The following RIN3 variants were observed in gnomAD, a reference collection of about 807,000 sequenced individuals.
The protein encoded by RIN3 is Ras and Rab interactor 3, also known as RAB5 interacting protein 3.
Under a neutral mutation model 76.3 loss-of-function variants are expected in RIN3, and 54 were observed. The ratio of observed to expected loss-of-function variants is 0.71; its 90% CI spans 0.57 to 0.89. The LOEUF is 0.89. RIN3 is among the 40% of genes least tolerant of loss of function. The pLI, the probability that RIN3 is intolerant of heterozygous loss-of-function variation, is 0.00. For missense variants in RIN3, 1,256 were observed against 1,322.1 expected (o/e 0.95, Z 0.78); for synonymous variants, 576 against 564.0 (o/e 1.02, Z -0.30).
chr14:92,683,235 G>C (rs559430613), intron 8 of RIN3, among the ~76,000 whole-genome samples: 10 of 152,126 alleles, frequency 6.6e-5, no homozygotes, highest in Non-Finnish European at 1.2e-4. Flanking sequence ...CCTTTGCAGT[G>C]GTGGGAAAGC....
chr14:92,554,699 T>A (rs1282087597), intron 1 of RIN3, among the ~76,000 whole-genome samples: 2 of 152,196 alleles, frequency 1.3e-5, no homozygotes, highest in African/African-American at 4.8e-5. Context: ...GGTGGGTGGG[T>A]CACTTGAGGT....
chr14:92,522,473 T>C (rs558879105), intron 1 of RIN3, among the ~76,000 whole-genome samples: 106 of 152,342 alleles, frequency 7.0e-4, no homozygotes, highest in East Asian at 1.9e-3. Context: ...TGTATTCTTT[T>C]TTCACTGAGT....
intron 5 of RIN3, 112 bp from the exon 6 acceptor site, chr14:92,651,470 A>G: frequency 1.7e-6 from 1 of 586,388 alleles, no homozygotes. Flanking sequence ...TAGTGAAGCA[A>G]ATGCCTTGAA....
intron 9 of RIN3, 28 bp from the exon 10 acceptor site, chr14:92,687,898 T>G: frequency 6.6e-7 from 1 of 1,515,432 alleles, no homozygotes; most frequent in Non-Finnish European, 8.8e-7. Context: ...GGCCCCGCCG[T>G]GACCACAGGC....
At chr14:92,610,515 C>G (rs78383414) in intron 3 of RIN3, among the ~76,000 whole-genome samples, 1 of 152,176 alleles carries the variant, frequency 6.6e-6, no homozygotes, top group Non-Finnish European at 1.5e-5. Context: ...GCTCCTGCCC[C>G]GGCTGTAGTC....
At chr14:92,655,821 G>A (rs1457061278) in intron 6 of RIN3, among the ~76,000 whole-genome samples, 3 of 152,222 alleles carry the variant, frequency 2.0e-5, no homozygotes, top group African/African-American at 7.2e-5. Flanking sequence ...GTCCCTGGGA[G>A]GACACAGCGT....
intron 7 of RIN3, among the ~76,000 whole-genome samples, chr14:92,670,851 C>T (rs978459661): frequency 1.3e-5 from 2 of 152,232 alleles, no homozygotes; most frequent in African/African-American, 4.8e-5. Context: ...GGTAGCTTGA[C>T]GTTGGAAATT....
rs1227184774 is a variant in RIN3 at position 92,648,764 on chromosome 14, G to C, written c.533-2818G>C. Among the ~76,000 whole-genome samples the C allele has an allele frequency of 6.6e-6, 1 of 152,200 alleles. No individual in the cohort carries two copies. The highest frequency in any genetic ancestry group is 1.5e-5 in the Non-Finnish European group (1 of 68,038). ...ACAGAGAATTACAGTCCCAGTGATG[G>C]TCACTGCTGTCACAGGCATATCAGA... On this transcript the variant is annotated intron_variant, in intron 5 of 9. Coordinates refer to ENST00000216487, the MANE Select transcript of RIN3 (RefSeq NM_024832.5). The surrounding 1 kb of genome is among the most constrained non-coding windows in gnomAD (Gnocchi z 4.1).
At chr14:92,620,903 G>A (rs1886153062) in intron 4 of RIN3, among the ~76,000 whole-genome samples, 1 of 152,210 alleles carries the variant, frequency 6.6e-6, no homozygotes, top group Non-Finnish European at 1.5e-5. Flanking sequence ...CACTATCCAT[G>A]CAAAAGAGTA....
At chr14:92,580,724 C>G (rs1233176703) in intron 3 of RIN3, among the ~76,000 whole-genome samples, 1 of 152,224 alleles carries the variant, frequency 6.6e-6, no homozygotes, top group African/African-American at 2.4e-5. Context: ...AGGACTGACT[C>G]CAAGCCAGTA....
chr14:92,628,117 G>T lies in RIN3; in HGVS notation c.440+12638G>T, dbSNP rs549991479. Among the ~76,000 whole-genome samples, 5 of 152,236 alleles carry T rather than the reference G, an allele frequency of 3.3e-5. No individual in the cohort carries two copies. In the South Asian group the frequency reaches 8.3e-4, roughly 25 times the overall value. ...GGGAGAACAGGTACAGTATATCTTG[G>T]GTGTGTTTAGGCACAGTGGAGATAG... On this transcript the variant is annotated intron_variant, in intron 4 of 9. Transcript: ENST00000216487.
intron 1 of RIN3, among the ~76,000 whole-genome samples, chr14:92,519,368 C>A (rs910505817): frequency 6.6e-6 from 1 of 152,174 alleles, no homozygotes; most frequent in African/African-American, 2.4e-5. Flanking sequence ...GGGGCAGGAC[C>A]CATGGCTCCT....
chr14:92,605,937 T>G (rs1885511640), intron 3 of RIN3, among the ~76,000 whole-genome samples: 1 of 152,212 alleles, frequency 6.6e-6, no homozygotes, highest in Non-Finnish European at 1.5e-5. Context: ...ACACCCATTA[T>G]GTGCCTACTA....
At chr14:92,668,521 T>G (rs1273347688) in intron 7 of RIN3, among the ~76,000 whole-genome samples, 1 of 148,420 alleles carries the variant, frequency 6.7e-6, no homozygotes, top group East Asian at 1.9e-4. Flanking sequence ...AACTGAGACT[T>G]AACCAGCATC....
chr14:92,667,871 TG>T lies in RIN3; in HGVS notation c.2335+8409del, dbSNP rs368493697. Among the ~76,000 whole-genome samples, 19 of 147,778 alleles carry T rather than the reference TG, an allele frequency of 1.3e-4. No individual in the cohort carries two copies. In the East Asian group the frequency reaches 1.9e-3, roughly 14 times the overall value. ...GGGATTGACATCCAGGTGACAGGAA[TG>T]GGGGGGCATCTGAAAGAGAGCTAAA... On this transcript the variant is annotated intron_variant, in intron 7 of 9. Coordinates refer to ENST00000216487, the MANE Select transcript of RIN3 (RefSeq NM_024832.5).
chr14:92,529,490 C>T (rs565030929), intron 1 of RIN3, among the ~76,000 whole-genome samples: 13 of 152,210 alleles, frequency 8.5e-5, no homozygotes, highest in East Asian at 3.9e-4. Context: ...CCTCGTGATC[C>T]GCCCACCTCG....
intron 1 of RIN3, among the ~76,000 whole-genome samples, chr14:92,552,798 T>C (rs1897466864): frequency 6.6e-6 from 1 of 152,076 alleles, no homozygotes; most frequent in Non-Finnish European, 1.5e-5. Context: ...TAACATCCTC[T>C]AGTCACCTAT....
chr14:92,537,614 A>C (rs971504875), intron 1 of RIN3, among the ~76,000 whole-genome samples: 2 of 142,640 alleles, frequency 1.4e-5, no homozygotes, highest in Non-Finnish European at 3.0e-5. Context: ...TCCACCAGCT[A>C]TAAGTGAGTG....
rs140257201 is a variant in RIN3, at chr14:92,671,594, T to C, written c.2336-4881T>C. ...CGGTCAAGATTCCTCAAGGAAAACA[T>C]GGGGAGAAGAGCAGGTGAAGGACCT... On this transcript the variant is annotated intron_variant, in intron 7 of 9. Transcript: ENST00000216487. 4.5e-4 allele frequency among the ~76,000 whole-genome samples: 68 copies of C among 152,246 alleles called. No homozygotes were observed. The East Asian group carries it at 9.9e-3, about 22-fold the overall frequency.
Sources: allele counts gnomAD v4.1 joint callset (sites outside exome capture counted in the v4.1 genomes callset), GRCh38; gene constraint gnomAD v4.1.1; non-coding constraint Gnocchi (gnomAD v3.1); transcripts MANE v1.5; gene names NCBI Gene and HGNC (gene_info 2026-07-23, HGNC 2026-07-21).